MYBPHL: variants seen among roughly 807,000 people sequenced by gnomAD.
The protein encoded by MYBPHL is myosin binding protein H like, also known as myosin-binding protein H-like.
MYBPHL carries 32 observed loss-of-function variants against 39.5 expected under a neutral mutation model. The observed-to-expected ratio is 0.81, with a 90% confidence interval of 0.61 to 1.09. The LOEUF (loss-of-function observed/expected upper bound fraction) is 1.09, where lower values mean the gene tolerates loss of function less well. MYBPHL is among the 50% of genes least tolerant of loss of function. The probability of loss-of-function intolerance (pLI) is 0.00; values close to 1 mark genes in which losing one functional copy is unlikely to be tolerated. For missense variants in MYBPHL, 456 were observed against 460.2 expected (o/e 0.99, Z 0.08); for synonymous variants, 196 against 183.7 (o/e 1.07, Z -0.54).
intron 1 of MYBPHL, among the ~76,000 whole-genome samples, chr1:109,300,099 T>C (rs1658229398): frequency 6.6e-6 from 1 of 152,206 alleles, no homozygotes; most frequent in Non-Finnish European, 1.5e-5. Context: ...CTGGCTCTGC[T>C]GTCCCTGTGC....
chr1:109,298,041 G>A (rs1658146925), intron 2 of MYBPHL, 128 bp downstream of exon 2: 1 of 784,174 alleles, frequency 1.3e-6, no homozygotes, highest in African/African-American at 1.8e-5. Context: ...GACTTCTGGT[G>A]GTGTGACCCC....
At position 109,306,951 on chromosome 1, in the gene MYBPHL, T is replaced by C; in HGVS notation, c.41A>G (p.Lys14Arg). Residue 14 changes from lysine to arginine, a missense_variant, in exon 1 of 9, where the codon AAG becomes AGG. Transcript: ENST00000357155. ...ATAPEVAAGS[K>R]LKVKEASPAD... Reference sequence around the variant, plus strand: ...TGGGCTGGCTTCTTTCACCTTCAGCTTGGATCCTGCGGCCACCTCCGGAGC... The same window carrying C: ...TGGGCTGGCTTCTTTCACCTTCAGCCTGGATCCTGCGGCCACCTCCGGAGC... 6.2e-7 allele frequency: 1 copy of C among 1,610,730 alleles called. No homozygotes were observed. Among genetic ancestry groups the C allele is most frequent in the Non-Finnish European group, 8.5e-7 (1 of 1,178,578 alleles).
chr1:109,303,339 C>T (rs975618680), intron 1 of MYBPHL, among the ~76,000 whole-genome samples: 5 of 152,150 alleles, frequency 3.3e-5, no homozygotes, highest in Non-Finnish European at 7.3e-5. Context: ...ATTATACTCT[C>T]TCTCTTGCAC....
rs747880145 is a variant in MYBPHL, at chr1:109,297,504, T to C, written c.348A>G (p.Gln116=). 12 of 1,613,622 alleles carry C rather than the reference T, an allele frequency of 7.4e-6. No homozygotes were observed. Among genetic ancestry groups the C allele is most frequent in the Admixed American group, 1.7e-5 (1 of 59,996 alleles). Residue 116 remains glutamine (Q), a synonymous_variant, in exon 3 of 9, where the codon CAA becomes CAG. Coordinates refer to ENST00000357155, the MANE Select transcript of MYBPHL (RefSeq NM_001010985.3). ...GTTGGTAGCGACCTGAGTCAGCACG[T>C]TGGGCTTCTCGGATGAAGAGGATGG... ...QDSILFIREA[Q]RADSGRYQLR...
At chr1:109,296,499 C>T (rs956481011) in intron 5 of MYBPHL, 129 bp from the exon 6 acceptor site, 3 of 1,213,602 alleles carry the variant, frequency 2.5e-6, no homozygotes, top group Non-Finnish European at 3.4e-6. Context: ...AGTGCAGTGG[C>T]ACGATCTCAG....
At chr1:109,303,909 T>C (rs1658374512) in intron 1 of MYBPHL, among the ~76,000 whole-genome samples, 1 of 152,148 alleles carries the variant, frequency 6.6e-6, no homozygotes, top group South Asian at 2.1e-4. Context: ...TGCCTCAGGG[T>C]CCTTGCAGTT....
At chr1:109,298,032 A>G in intron 2 of MYBPHL, 137 bp downstream of exon 2, 2 of 727,176 alleles carry the variant, frequency 2.8e-6, no homozygotes, top group Non-Finnish European at 4.5e-6. Context: ...TTGGCCTCAG[A>G]CTTCTGGTGG....
intron 8 of MYBPHL, 142 bp from the exon 9 acceptor site, chr1:109,292,730 T>C (rs1657912054): frequency 6.6e-6 from 1 of 152,246 alleles, no homozygotes; most frequent in Admixed American, 6.5e-5. Context: ...ACGCACCCCT[T>C]TAGGCTTTCA....
At chr1:109,306,006 T>TA (rs1658452059) in intron 1 of MYBPHL, among the ~76,000 whole-genome samples, 1 of 152,248 alleles carries the variant, frequency 6.6e-6, no homozygotes, top group African/African-American at 2.4e-5. Context: ...ACAGGGCTGT[T>TA]AGAGGCGGCA....
At position 109,297,549 on chromosome 1, in the gene MYBPHL, C is replaced by G. The variant is rs530096376; in HGVS notation, c.303G>C (p.Val101=). The part of the protein sequence containing the change: ...GCALDTRRVS[V]RNGEQDSILF... ...GGATGGAGTCTTGCTCCCCATTCCG[C>G]ACACTCACACGCCTGGTGTCCAAGG... The change falls in exon 3 of 9, where the codon GTG becomes GTC. Residue 101 remains valine (V), a synonymous_variant. Transcript: ENST00000357155. 5 of 1,613,960 alleles carry G rather than the reference C, an allele frequency of 3.1e-6. No individual in the cohort carries two copies. The South Asian group carries it at 5.5e-5, about 18-fold the overall frequency.
chr1:109,304,659 C>T (rs1216255235), intron 1 of MYBPHL, among the ~76,000 whole-genome samples: 1 of 152,168 alleles, frequency 6.6e-6, no homozygotes, highest in African/African-American at 2.4e-5. Flanking sequence ...TCACATTGTC[C>T]ATGGGAGGGA....
At chr1:109,304,805 C>T (rs1658409548) in intron 1 of MYBPHL, among the ~76,000 whole-genome samples, 1 of 152,238 alleles carries the variant, frequency 6.6e-6, no homozygotes, top group Non-Finnish European at 1.5e-5. Flanking sequence ...GCCACCTACT[C>T]CTGCTTATTT....
intron 1 of MYBPHL, 53 bp downstream of exon 1, chr1:109,306,794 T>TC: frequency 6.8e-7 from 1 of 1,478,928 alleles, no homozygotes; most frequent in Non-Finnish European, 9.0e-7. Flanking sequence ...GGCGATGTCT[T>TC]CCCCAACTCC....
At chr1:109,306,630 C>G (rs556038808) in intron 1 of MYBPHL, among the ~76,000 whole-genome samples, 1 of 152,320 alleles carries the variant, frequency 6.6e-6, no homozygotes, top group East Asian at 1.9e-4. Flanking sequence ...GACTTCTCAG[C>G]TAAAACACAA....
intron 1 of MYBPHL, among the ~76,000 whole-genome samples, chr1:109,303,627 C>T (rs964187676): frequency 7.2e-5 from 11 of 152,134 alleles, no homozygotes; most frequent in African/African-American, 2.7e-4. Flanking sequence ...AACCTCCCTA[C>T]CTTCTCCCTC....
At chr1:109,306,404 A>G (rs1266185662) in intron 1 of MYBPHL, among the ~76,000 whole-genome samples, 1 of 152,076 alleles carries the variant, frequency 6.6e-6, no homozygotes, top group Non-Finnish European at 1.5e-5. Flanking sequence ...CAGGAGGCCG[A>G]GTGTCACTGT....
intron 1 of MYBPHL, among the ~76,000 whole-genome samples, chr1:109,303,656 C>T (rs407102): frequency 0.69 from 104,455 of 151,912 alleles, 36,378 homozygotes; most frequent in East Asian, 0.9. Flanking sequence ...TCCCAGTTGT[C>T]GATCTTGCTA....
At position 109,296,838 on chromosome 1, in the gene MYBPHL, G is replaced by A. The variant is rs757818854; in HGVS notation, c.675C>T (p.Cys225=). 1.4e-4 allele frequency: 229 copies of A among 1,614,136 alleles called. No individual in the cohort carries two copies. The highest frequency in any genetic ancestry group is 6.6e-5 in the South Asian group (6 of 91,078). ...TGATGGGGGCTGTTTCACTGAGTCC[G>A]CACTGGTTTTCAGCAAAGACACGGA... ...YAFRVFAENQ[C]GLSETAPITT... The change falls in exon 5 of 9, where the codon TGC becomes TGT. Residue 225 remains cysteine (C), a synonymous_variant. Transcript: ENST00000357155.
intron 8 of MYBPHL, among the ~76,000 whole-genome samples, chr1:109,293,325 G>A (rs1657930464): frequency 6.6e-6 from 1 of 152,176 alleles, no homozygotes; most frequent in South Asian, 2.1e-4. Context: ...CTTCTTCAGA[G>A]GACCATTCAT....
Sources: gnomAD v4.1 joint callset for allele counts (sites outside exome capture counted in the v4.1 genomes callset) on GRCh38, gnomAD v4.1.1 for gene constraint, MANE v1.5 for transcripts, NCBI Gene and HGNC (gene_info 2026-07-23, HGNC 2026-07-21) for gene names.